The following APOB variants were observed in gnomAD, a reference collection of about 807,000 sequenced individuals.
APOB encodes apolipoprotein B-100.
In APOB, 153 loss-of-function variants were observed where a neutral mutation model predicts 314.1. The observed-to-expected ratio is 0.49, with a 90% confidence interval of 0.43 to 0.56. The LOEUF is 0.56. APOB is among the 20% of genes least tolerant of loss of function. The probability of loss-of-function intolerance (pLI) is 0.00; values close to 1 mark genes in which losing one functional copy is unlikely to be tolerated. For missense variants in APOB, 5,430 were observed against 5,350.7 expected (o/e 1.01, Z -0.46); for synonymous variants, 2,087 against 2,036.4 (o/e 1.02, Z -0.67).
rs12720781 is a variant in APOB, at chr2:21,017,842, C to T, written c.3121+1150G>A. On this transcript the variant is annotated intron_variant, in intron 20 of 28. Coordinates refer to ENST00000233242, the MANE Select transcript of APOB (RefSeq NM_000384.3). ...GCCCTGCTCCTCCAGTGCTTTCTATCATGGGATTTTCTTCCTAGTTTAATT... is the reference window on the plus strand; with the variant it reads ...GCCCTGCTCCTCCAGTGCTTTCTATTATGGGATTTTCTTCCTAGTTTAATT... Among the ~76,000 whole-genome samples, 1,223 of 152,340 alleles carry T rather than the reference C, an allele frequency of 8.0e-3. 17 individuals are homozygous for T. Among genetic ancestry groups the T allele is most frequent in the African/African-American group, 0.027 (1,133 of 41,566 alleles).
rs1326215299 is a variant in APOB, at chr2:21,005,715, G to A, written c.11153C>T (p.Ser3718Leu). 2 of 1,613,814 alleles carry A rather than the reference G, an allele frequency of 1.2e-6. No homozygotes were observed. The highest frequency in any genetic ancestry group is 1.7e-5 in the Admixed American group (1 of 59,986). Reference protein sequence around the residue: ...FVYTKNPNGYSFSIPVKVLAD... With the variant: ...FVYTKNPNGYLFSIPVKVLAD... ...CAAAACTTTTACAGGGATGGAGAAT[G>A]AATAGCCATTGGGGTTTTTGGTGTA... Residue 3718 changes from serine (S) to leucine (L), a missense_variant, in exon 26 of 29, where the codon TCA becomes TTA. By Grantham distance (145) the Ser-to-Leu change is moderately radical (BLOSUM62 -2). This residue lies in a region of APOB where 3,281 missense variants were observed against 3,171.0 expected (regional missense o/e 1.03). Transcript: ENST00000233242.
chr2:21,042,719 G>C (rs974605803), intron 2 of APOB, among the ~76,000 whole-genome samples: 1 of 152,076 alleles, frequency 6.6e-6, no homozygotes, highest in African/African-American at 2.4e-5. Context: ...CACAGGGAAG[G>C]GAGTGACAAG....
intron 16 of APOB, 25 bp downstream of exon 16, chr2:21,024,908 C>T (rs762188823): frequency 1.9e-6 from 3 of 1,613,288 alleles, no homozygotes; most frequent in Non-Finnish European, 2.5e-6. Context: ...GTCTCATGGG[C>T]CCCCAGTGGG....
Position 21,010,737 on chromosome 2 carries a change from T to C in APOB, c.6131A>G (p.Asp2044Gly), listed in dbSNP as rs1558564449. The C allele has an allele frequency of 6.2e-7, 1 of 1,614,052 alleles. No individual in the cohort carries two copies. Among genetic ancestry groups the C allele is most frequent in the Non-Finnish European group, 8.5e-7 (1 of 1,179,904 alleles). The change falls in exon 26 of 29, where the codon GAT (aspartate) becomes GGT (glycine). Residue 2044 changes from aspartate to glycine, a missense_variant. Around this residue, in one of 3 missense-constraint regions of APOB, gnomAD observed 3,281 missense variants for 3,171.0 expected, o/e 1.03. Coordinates refer to ENST00000233242, the MANE Select transcript of APOB (RefSeq NM_000384.3). ...INIIDALEMRDAVEKPQEFTI... is the reference protein window; with the variant it reads ...INIIDALEMRGAVEKPQEFTI... ...AAATTCTTGGGGCTTCTCAACGGCA[T>C]CTCTCATCTCTAAAGCATCAATGAT...
At chr2:21,034,453 C>A (rs1663953499) in intron 8 of APOB, among the ~76,000 whole-genome samples, 1 of 152,192 alleles carries the variant, frequency 6.6e-6, no homozygotes, top group Admixed American at 6.5e-5. Context: ...AAGACTGACT[C>A]CTGAGGTTAC....
intron 6 of APOB, among the ~76,000 whole-genome samples, chr2:21,036,130 G>T (rs566195147): frequency 6.6e-6 from 1 of 152,168 alleles, no homozygotes; most frequent in African/African-American, 2.4e-5. Flanking sequence ...TCTCCTTCCT[G>T]GTCAGGCCCA....
chr2:21,014,259 C>T (rs1198749566), intron 24 of APOB, among the ~76,000 whole-genome samples, 189 bp downstream of exon 24: 1 of 152,162 alleles, frequency 6.6e-6, no homozygotes, highest in Admixed American at 6.5e-5. Flanking sequence ...TTAGATTCTT[C>T]CTGACAGGGT....
Position 21,011,921 on chromosome 2 carries a change from T to C in APOB, c.4947A>G (p.Gln1649=). 2 of 1,614,042 alleles carry C rather than the reference T, an allele frequency of 1.2e-6. No homozygotes were observed. The highest frequency in any genetic ancestry group is 1.7e-6 in the Non-Finnish European group (2 of 1,180,028). ...TCGTTGCACTGGTAGATATTCCATC[T>C]TGGCCAATCCTTAGTGTCGCCTTGT... ...GAHKATLRIG[Q]DGISTSATTN... The change falls in exon 26 of 29, where the codon CAA becomes CAG. Residue 1649 remains glutamine (Q), a synonymous_variant. Transcript: ENST00000233242.
rs200376021 is a variant in APOB, at chr2:21,033,281, G to A, written c.1124+18C>T. 240 of 1,599,194 alleles carry A rather than the reference G, an allele frequency of 1.5e-4. 1 individual carries two copies. In the African/African-American group the frequency reaches 2.7e-3, roughly 18 times the overall value. ...TACCATCAGTTTTATAAAAAGTTGA[G>A]CTGTAACCATTAGATACCTGGACAC... On this transcript the variant is annotated intron_variant, in intron 9 of 28. Coordinates refer to ENST00000233242, the MANE Select transcript of APOB (RefSeq NM_000384.3).
At chr2:21,020,818 T>C (rs189078395) in intron 18 of APOB, among the ~76,000 whole-genome samples, 2 of 152,336 alleles carry the variant, frequency 1.3e-5, no homozygotes, top group East Asian at 3.9e-4. Flanking sequence ...CGCCTACCCA[T>C]GGGGTGATCT....
At chr2:21,013,703 C>A (rs902226906) in intron 24 of APOB, among the ~76,000 whole-genome samples, 170 bp from the exon 25 acceptor site, 6 of 152,088 alleles carry the variant, frequency 3.9e-5, no homozygotes, top group African/African-American at 1.2e-4. Context: ...CTCCACCTGT[C>A]AAACACTCAA....
Position 21,030,027 on chromosome 2 carries a change from G to A in APOB, c.1353-12C>T, listed in dbSNP as rs76202659. ...TTGTCTTATGATAGCTACAGAATAAGAGAAGAGAGTCAGGACTTGGTAACC... is the reference window on the plus strand; with the variant it reads ...TTGTCTTATGATAGCTACAGAATAAAAGAAGAGAGTCAGGACTTGGTAACC... On this transcript the variant is annotated splice_polypyrimidine_tract_variant and intron_variant, in intron 10 of 28. Transcript: ENST00000233242. 2.7e-3 allele frequency: 4,149 copies of A among 1,551,580 alleles called. 80 individuals are homozygous for A. The African/African-American group carries it at 0.047, about 18-fold the overall frequency.
Position 21,032,475 on chromosome 2 carries a change from C to T in APOB, c.1231G>A (p.Val411Ile). 3.7e-6 allele frequency: 6 copies of T among 1,614,078 alleles called. No individual in the cohort carries two copies. Among genetic ancestry groups the T allele is most frequent in the Non-Finnish European group, 5.1e-6 (6 of 1,180,010 alleles). Reference protein sequence around the residue: ...VHANPLLIDVVTYLVALIPEP... With the variant: ...VHANPLLIDVITYLVALIPEP... ...GGGATCAGGGCCACCAGGTAGGTGA[C>T]CACATCTATCAGAAGGGGGTTGGCA... Residue 411 changes from valine (V) to isoleucine (I), a missense_variant, in exon 10 of 29, where the codon GTC becomes ATC. Around this residue, in one of 3 missense-constraint regions of APOB, gnomAD observed 2,085 missense variants for 2,079.7 expected, o/e 1.00. Coordinates refer to ENST00000233242, the MANE Select transcript of APOB (RefSeq NM_000384.3).
rs13306194 is a variant in APOB, at chr2:21,029,662, G to T, written c.1594C>A (p.Arg532=). 2 of 1,614,044 alleles carry T rather than the reference G, an allele frequency of 1.2e-6. No homozygotes were observed. The highest frequency in any genetic ancestry group is 1.1e-5 in the South Asian group (1 of 91,086). Residue 532 remains arginine, a synonymous_variant, in exon 12 of 29, where the codon CGG becomes AGG. Coordinates refer to ENST00000233242, the MANE Select transcript of APOB (RefSeq NM_000384.3). The part of the protein sequence containing the change: ...MIQKAAIQAL[R]KMEPKDKDQE... ...ACCTTGTCTTTAGGCTCCATTTTCC[G>T]CAGAGCCTGGATGGCAGCTTTCTGG...
intron 13 of APOB, 93 bp downstream of exon 13, chr2:21,028,234 A>G: frequency 8.0e-7 from 1 of 1,251,746 alleles, no homozygotes; most frequent in Non-Finnish European, 1.2e-6. Context: ...TTTGTTTCAG[A>G]AGCAAGGGCA....
At position 21,044,023 on chromosome 2, in the gene APOB, C is replaced by T. The variant is rs1341460877; in HGVS notation, c.-78G>A. 6.9e-6 allele frequency: 5 copies of T among 725,196 alleles called. No homozygotes were observed. The highest frequency in any genetic ancestry group is 1.9e-5 in the African/African-American group (1 of 53,444). 44.9% of individuals were successfully genotyped at this position (725,196 alleles called of 1,614,324 possible). A position where few individuals can be genotyped will look rare whatever the true frequency, so the allele number is the denominator to read the frequency against. Reference sequence around the variant, plus strand: ...GCCCTGGCTGGCTGGGCGGGCTCCTCAGCGGCAGCAACCGAGAAGGGCACT... The same window carrying T: ...GCCCTGGCTGGCTGGGCGGGCTCCTTAGCGGCAGCAACCGAGAAGGGCACT... On this transcript the variant is annotated 5_prime_UTR_variant, in exon 1 of 29. Transcript: ENST00000233242.
In APOB at chr2:21,005,541, G is replaced by A; in HGVS notation, c.11327C>T (p.Thr3776Ile). Residue 3776 changes from threonine (T) to isoleucine (I), a missense_variant, in exon 26 of 29, where the codon ACT becomes ATT. By Grantham distance (89) the Thr-to-Ile change is moderately conservative (BLOSUM62 -1). Coordinates refer to ENST00000233242, the MANE Select transcript of APOB (RefSeq NM_000384.3). ...REIQIYKKLRTSSFALNLPTL... is the reference protein window; with the variant it reads ...REIQIYKKLRISSFALNLPTL... ...TGGTAGGTTGAGGGCAAATGATGAA[G>A]TTCTCAGCTTCTTATAGATTTGTAT... is the stretch of plus-strand genomic sequence containing the variant. 1 of 1,614,052 alleles carries A rather than the reference G, an allele frequency of 6.2e-7. No homozygotes were observed. Among genetic ancestry groups the A allele is most frequent in the Non-Finnish European group, 8.5e-7 (1 of 1,179,976 alleles).
In APOB at chr2:21,028,481, G is replaced by C; in HGVS notation, c.1675C>G (p.Leu559Val). The change falls in exon 13 of 29, where the codon CTG becomes GTG. Residue 559 changes from leucine (L) to valine (V), a missense_variant. By Grantham distance (32) the Leu-to-Val change is conservative. Around this residue, in one of 3 missense-constraint regions of APOB, gnomAD observed 2,085 missense variants for 2,079.7 expected, o/e 1.00. Transcript: ENST00000233242. ...LDDASPGDKR[L>V]AAYLMLMRSP... is the part of the protein sequence containing the mutation. ...CTCATCAACATAAGATAGGCAGCCA[G>C]TCGCTTATCTCCCGGAGAAGCATCA... is the stretch of plus-strand genomic sequence containing the variant. 6.2e-7 allele frequency: 1 copy of C among 1,614,050 alleles called. No homozygotes were observed. The highest frequency in any genetic ancestry group is 8.5e-7 in the Non-Finnish European group (1 of 1,180,028).
chr2:21,029,226 G>T (rs1169567848), intron 12 of APOB, among the ~76,000 whole-genome samples: 3 of 152,230 alleles, frequency 2.0e-5, no homozygotes, highest in African/African-American at 4.8e-5. Context: ...GAGGCAGGCG[G>T]ATCACCTGAG....
Sources: gnomAD v4.1 joint callset for allele counts (sites outside exome capture counted in the v4.1 genomes callset) on GRCh38, gnomAD v4.1.1 for gene constraint, gnomAD v4.1.1 regional missense constraint, MANE v1.5 for transcripts, NCBI Gene and HGNC (gene_info 2026-07-23, HGNC 2026-07-21) for gene names.